KIAA1549: variants seen among roughly 807,000 people sequenced by gnomAD.
The protein encoded by KIAA1549 is KIAA1549.
KIAA1549 carries 70 observed loss-of-function variants against 156.4 expected under a neutral mutation model. The observed-to-expected ratio is 0.45, with a 90% confidence interval of 0.37 to 0.55. The LOEUF is 0.55. Ranked by LOEUF, KIAA1549 falls within the 20% of genes least tolerant of loss-of-function variation. The pLI is 0.00. For synonymous variants in KIAA1549, 1,103 were observed against 1,066.4 expected (o/e 1.03, Z -0.67); for missense variants, 2,428 against 2,540.9 (o/e 0.96, Z 0.96).
intron 10 of KIAA1549, among the ~76,000 whole-genome samples, chr7:138,891,347 TC>T (rs1445457476): frequency 1.3e-5 from 2 of 152,140 alleles, no homozygotes; most frequent in African/African-American, 4.8e-5. Context: ...GTGTGGACTA[TC>T]CCCCATCAGA....
chr7:138,968,657 C>A (rs1814116248), intron 1 of KIAA1549, among the ~76,000 whole-genome samples: 1 of 151,580 alleles, frequency 6.6e-6, no homozygotes, highest in Admixed American at 6.6e-5. Flanking sequence ...ACCATCCTGG[C>A]TAACACGGTG....
chr7:138,938,614 T>G (rs1254404680), intron 1 of KIAA1549, among the ~76,000 whole-genome samples: 1 of 152,198 alleles, frequency 6.6e-6, no homozygotes, highest in African/African-American at 2.4e-5. Flanking sequence ...GACAAGAAAC[T>G]AACCAGATCA....
At chr7:138,906,167 T>C (rs189306231) in intron 6 of KIAA1549, among the ~76,000 whole-genome samples, 2 of 152,352 alleles carry the variant, frequency 1.3e-5, no homozygotes, top group East Asian at 3.9e-4. Flanking sequence ...ATTCTGGCAC[T>C]CAAATCAGAT....
chr7:138,843,925 A>C (rs1005392147), intron 18 of KIAA1549, among the ~76,000 whole-genome samples: 56 of 152,210 alleles, frequency 3.7e-4, no homozygotes, highest in African/African-American at 1.3e-3. Flanking sequence ...TTTTGAGATA[A>C]GAGTTTTGCT....
intron 4 of KIAA1549, among the ~76,000 whole-genome samples, chr7:138,910,828 T>C (rs900126176): frequency 6.8e-6 from 1 of 147,912 alleles, no homozygotes; most frequent in African/African-American, 2.5e-5. Context: ...TCCCACCTGG[T>C]GGGACTACAG....
chr7:138,842,885 C>T (rs959910559), intron 18 of KIAA1549, among the ~76,000 whole-genome samples: 21 of 152,114 alleles, frequency 1.4e-4, no homozygotes, highest in African/African-American at 4.8e-4. Context: ...TCTGGGGAAA[C>T]TAACAATTCT....
At chr7:138,920,967 G>A (rs1563078993) in intron 1 of KIAA1549, among the ~76,000 whole-genome samples, 1 of 152,324 alleles carries the variant, frequency 6.6e-6, no homozygotes, top group East Asian at 1.9e-4. Flanking sequence ...TGGCCTGCAA[G>A]ACAGTAAGGG....
At chr7:138,846,273 G>A (rs1297917714) in intron 17 of KIAA1549, among the ~76,000 whole-genome samples, 1 of 152,184 alleles carries the variant, frequency 6.6e-6, no homozygotes, top group Non-Finnish European at 1.5e-5. Context: ...GGTGGCTCAT[G>A]CCTGTAATCC....
At chr7:138,897,294 T>G (rs138747945) in intron 9 of KIAA1549, among the ~76,000 whole-genome samples, 56 of 152,288 alleles carry the variant, frequency 3.7e-4, no homozygotes, top group African/African-American at 1.3e-3. Context: ...AAACACAAAT[T>G]GCCAATGGTT....
chr7:138,883,881 C>A (rs1811317438), intron 10 of KIAA1549, among the ~76,000 whole-genome samples: 1 of 152,154 alleles, frequency 6.6e-6, no homozygotes, highest in Non-Finnish European at 1.5e-5. Flanking sequence ...CTGGTGTACA[C>A]CGCCTAAAAT....
intron 11 of KIAA1549, among the ~76,000 whole-genome samples, chr7:138,879,910 T>C (rs570083353): frequency 2.0e-5 from 3 of 152,216 alleles, no homozygotes; most frequent in South Asian, 2.1e-4. Context: ...AAGTGCCAGA[T>C]AGGAGGAAGG....
At chr7:138,869,062 A>T (rs1810841165) in intron 14 of KIAA1549, among the ~76,000 whole-genome samples, 1 of 152,242 alleles carries the variant, frequency 6.6e-6, no homozygotes, top group Non-Finnish European at 1.5e-5. Flanking sequence ...GTAAGACCCC[A>T]GACCCTGCAG....
intron 17 of KIAA1549, among the ~76,000 whole-genome samples, chr7:138,846,588 C>CT (rs1435241097): frequency 1.4e-5 from 2 of 147,614 alleles, no homozygotes; most frequent in Non-Finnish European, 3.0e-5. Flanking sequence ...CCCACCATTG[C>CT]TTTTGCACTT....
At chr7:138,871,461 G>A (rs979895953) in intron 12 of KIAA1549, 99 bp from the exon 13 acceptor site, 4 of 1,040,738 alleles carry the variant, frequency 3.8e-6, no homozygotes, top group South Asian at 1.8e-5. Flanking sequence ...CTTTGGATGG[G>A]CCTCTGACCA....
chr7:138,840,131 A>T lies in KIAA1549; in HGVS notation c.5598+2T>A. The T allele has an allele frequency of 1.3e-6, 2 of 1,550,836 alleles. No individual in the cohort carries two copies. Among genetic ancestry groups the T allele is most frequent in the Non-Finnish European group, 1.7e-6 (2 of 1,146,464 alleles). Reference sequence around the variant, plus strand: ...ATGATGACCCAAACAGGAGATACTCACGGCCTCTCTTCGCCCCGCTTCGTC... The same window carrying T: ...ATGATGACCCAAACAGGAGATACTCTCGGCCTCTCTTCGCCCCGCTTCGTC... On this transcript the variant is annotated splice_donor_variant, in intron 19 of 19. Transcript: ENST00000422774. LOFTEE classifies it high-confidence loss of function.
At chr7:138,963,479 T>C (rs1813916886) in intron 1 of KIAA1549, among the ~76,000 whole-genome samples, 1 of 152,164 alleles carries the variant, frequency 6.6e-6, no homozygotes, top group East Asian at 1.9e-4. Flanking sequence ...AGGCTGTCAA[T>C]GAGTAAAGTC....
At chr7:138,867,810 C>T (rs1408305452) in intron 15 of KIAA1549, among the ~76,000 whole-genome samples, 165 bp downstream of exon 15, 1 of 152,200 alleles carries the variant, frequency 6.6e-6, no homozygotes, top group Non-Finnish European at 1.5e-5. Flanking sequence ...CACCCCACCC[C>T]ACCCACTTCA....
At chr7:138,903,546 TCTCC>T in intron 8 of KIAA1549, 38 bp downstream of exon 8, 2 of 1,598,208 alleles carry the variant, frequency 1.3e-6, no homozygotes, top group Non-Finnish European at 1.7e-6. Flanking sequence ...GCGCTGTCTC[TCTCC>T]CTCTCTCTCC....
intron 6 of KIAA1549, 143 bp downstream of exon 6, chr7:138,906,776 A>G (rs1584746092): frequency 3.4e-6 from 2 of 583,354 alleles, no homozygotes; most frequent in East Asian, 6.1e-5. Flanking sequence ...GCAACCAAAT[A>G]CCACCTGTAC....
Sources: gnomAD v4.1 joint callset for allele counts (sites outside exome capture counted in the v4.1 genomes callset) on GRCh38, gnomAD v4.1.1 for gene constraint, MANE v1.5 for transcripts, NCBI Gene and HGNC (gene_info 2026-07-23, HGNC 2026-07-21) for gene names.